The following RFX4 variants were observed in gnomAD, a reference collection of about 807,000 sequenced individuals.
RFX4 encodes transcription factor RFX4.
Under a neutral mutation model 95.0 loss-of-function variants are expected in RFX4, and 10 were observed. The ratio of observed to expected loss-of-function variants is 0.11; its 90% CI spans 0.06 to 0.18. The LOEUF (loss-of-function observed/expected upper bound fraction) is 0.18. Among genes scored for constraint, RFX4 ranks in the 10% least tolerant of loss-of-function variants. RFX4 has a pLI of 1.00. For synonymous variants in RFX4, 321 were observed against 340.7 expected, an observed-to-expected ratio of 0.94 and a Z score of 0.64; for missense variants, 640 against 922.0, an observed-to-expected ratio of 0.69 and a Z score of 3.96.
intron 4 of RFX4, among the ~76,000 whole-genome samples, chr12:106,667,774 T>C (rs2041205660): frequency 6.6e-6 from 1 of 152,196 alleles, no homozygotes. Context: ...TTTCAGTTTG[T>C]TTTGCTTTTT....
intron 17 of RFX4, among the ~76,000 whole-genome samples, chr12:106,753,566 G>C (rs2043051635): frequency 6.6e-6 from 1 of 152,144 alleles, no homozygotes; most frequent in African/African-American, 2.4e-5. Context: ...ATCAGAAAGA[G>C]GAGCTACCTT....
chr12:106,691,070 T>C (rs1383764732), intron 7 of RFX4, among the ~76,000 whole-genome samples: 1 of 152,006 alleles, frequency 6.6e-6, no homozygotes, highest in African/African-American at 2.4e-5. Context: ...TGGTGAGAGG[T>C]CCAGAAACAT....
chr12:106,702,291 T>C (rs1011679788), intron 8 of RFX4, among the ~76,000 whole-genome samples: 3 of 152,172 alleles, frequency 2.0e-5, no homozygotes, highest in Admixed American at 6.5e-5. Context: ...GGGTAAATAA[T>C]ACTTATGCCT....
intron 2 of RFX4, among the ~76,000 whole-genome samples, chr12:106,616,040 A>T (rs1242525495): frequency 6.6e-6 from 1 of 152,074 alleles, no homozygotes; most frequent in Non-Finnish European, 1.5e-5. Flanking sequence ...CTTTTTCCCA[A>T]CCTAAGTGGT....
chr12:106,591,145 C>CT lies in RFX4; in HGVS notation c.43+7789dup, dbSNP rs1447806948. On this transcript the variant is annotated intron_variant, in intron 1 of 17. Transcript: ENST00000392842. The stretch of plus-strand genomic sequence containing the variant: ...ACAATCTCTTCTTCTTTCTTTCTTT[C>CT]TTTTTTTCATTAGGGAGAGGGTGGC... Among the ~76,000 whole-genome samples, 3 of 150,868 alleles carry CT rather than the reference C, an allele frequency of 2.0e-5. No individual in the cohort carries two copies. The East Asian group carries it at 5.9e-4, about 29-fold the overall frequency.
intron 1 of RFX4, among the ~76,000 whole-genome samples, chr12:106,607,079 T>C (rs2039851816): frequency 6.6e-6 from 1 of 152,096 alleles, no homozygotes; most frequent in Non-Finnish European, 1.5e-5. Flanking sequence ...TTCAAATAGG[T>C]GTTCAATAAA....
intron 2 of RFX4, among the ~76,000 whole-genome samples, chr12:106,623,821 A>G (rs967003781): frequency 6.6e-6 from 1 of 152,250 alleles, no homozygotes. Context: ...TTTGGATTGT[A>G]AGAGACAGAA....
rs778269709 is a variant in RFX4 at position 106,696,320 on chromosome 12, C to T, written c.707C>T (p.Pro236Leu). 1.9e-6 allele frequency: 3 copies of T among 1,614,146 alleles called. No homozygotes were observed. Among genetic ancestry groups the T allele is most frequent in the African/African-American group, 1.3e-5 (1 of 75,024 alleles). Residue 236 changes from proline to leucine, a missense_variant, in exon 8 of 18, where the codon CCG (proline) becomes CTG (leucine). Transcript: ENST00000392842. ...SFLLHFWQGMPPHMLPVLGSS... is the reference protein window; with the variant it reads ...SFLLHFWQGMLPHMLPVLGSS... ...CTTCTGCACTTTTGGCAAGGAATGC[C>T]GCCCCACATGCTGCCTGTGCTGGGC... is the stretch of plus-strand genomic sequence containing the variant.
chr12:106,591,122 A>T (rs7487479), intron 1 of RFX4, among the ~76,000 whole-genome samples: 152,202 of 152,202 alleles, frequency 1, 76,101 homozygotes, highest in Non-Finnish European at 1. Context: ...CTGTATGGAC[A>T]ATCTCTTCTT....
intron 4 of RFX4, among the ~76,000 whole-genome samples, chr12:106,655,668 G>A (rs567103312): frequency 6.6e-6 from 1 of 152,286 alleles, no homozygotes; most frequent in Non-Finnish European, 1.5e-5. Context: ...ATACAGGTTG[G>A]GGACAGGTTG....
intron 15 of RFX4, 21 bp from the exon 16 acceptor site, chr12:106,747,416 C>T (rs551460688): frequency 1.5e-5 from 24 of 1,608,900 alleles, no homozygotes; most frequent in East Asian, 4.5e-5. Context: ...ATGATCAAGA[C>T]GTCTTAATTT....
chr12:106,608,805 A>C lies in RFX4; in HGVS notation c.52A>C (p.Ile18Leu). 1 of 1,581,530 alleles carries C rather than the reference A, an allele frequency of 6.3e-7. No individual in the cohort carries two copies. The highest frequency in any genetic ancestry group is 8.6e-7 in the Non-Finnish European group (1 of 1,168,564). The change falls in exon 2 of 18, where the codon ATT (isoleucine) becomes CTT (leucine). Residue 18 changes from isoleucine to leucine, a missense_variant. Physicochemically the swap from Ile to Leu is conservative, Grantham distance 5. Coordinates refer to ENST00000392842, the MANE Select transcript of RFX4 (RefSeq NM_213594.3). The stretch of plus-strand genomic sequence containing the variant: ...CTTTTTTTTTTTTTTAGAGAGCTGG[A>C]TTGAAAGATGTCTCAACGAAAGTGA... ...EPDMDSTESW[I>L]ERCLNESENK... is the part of the protein sequence containing the mutation.
intron 4 of RFX4, among the ~76,000 whole-genome samples, chr12:106,659,937 A>T (rs1393446420): frequency 2.0e-5 from 3 of 152,158 alleles, no homozygotes; most frequent in Non-Finnish European, 4.4e-5. Context: ...GTGATCTCCT[A>T]GGTGATGGAA....
chr12:106,713,549 G>A (rs1203440193), intron 10 of RFX4, among the ~76,000 whole-genome samples: 1 of 152,186 alleles, frequency 6.6e-6, no homozygotes, highest in African/African-American at 2.4e-5. Flanking sequence ...GGGGCAAGGA[G>A]GGAGAAGAAT....
rs397734823 is a variant in RFX4 at position 106,727,626 on chromosome 12, GT to G, written c.1352-4493del. On this transcript the variant is annotated intron_variant, in intron 13 of 17. Transcript: ENST00000392842. The stretch of plus-strand genomic sequence containing the variant: ...TCAGTCAAGTTACTGAATTTAGTTT[GT>G]TTTTTTTTTTGAGACAGAGTCTTGC... 7.1e-3 allele frequency among the ~76,000 whole-genome samples: 1,053 copies of G among 147,658 alleles called. 11 individuals carry two copies. Among genetic ancestry groups the G allele is most frequent in the African/African-American group, 0.025 (996 of 40,568 alleles).
chr12:106,697,198 T>C (rs1212175000), intron 8 of RFX4, among the ~76,000 whole-genome samples: 1 of 152,126 alleles, frequency 6.6e-6, no homozygotes, highest in African/African-American at 2.4e-5. Context: ...GTCTCCCTCA[T>C]AGTTCCTCTA....
At chr12:106,657,090 A>G (rs1434833064) in intron 4 of RFX4, among the ~76,000 whole-genome samples, 2 of 152,176 alleles carry the variant, frequency 1.3e-5, no homozygotes, top group Admixed American at 6.5e-5. Context: ...GAAATCCCAG[A>G]CACATTTGCC....
intron 2 of RFX4, among the ~76,000 whole-genome samples, chr12:106,624,904 A>G (rs568262501): frequency 6.6e-5 from 10 of 152,306 alleles, no homozygotes; most frequent in South Asian, 4.1e-4. Flanking sequence ...GACCGGGCCA[A>G]TTGAAAAAAT....
At chr12:106,739,932 T>C (rs2042778128) in intron 15 of RFX4, among the ~76,000 whole-genome samples, 1 of 152,324 alleles carries the variant, frequency 6.6e-6, no homozygotes, top group South Asian at 2.1e-4. Context: ...CTATTTAACA[T>C]GACATTGGGC....
Sources: allele counts gnomAD v4.1 joint callset (sites outside exome capture counted in the v4.1 genomes callset), GRCh38; gene constraint gnomAD v4.1.1; transcripts MANE v1.5; gene names NCBI Gene and HGNC (gene_info 2026-07-23, HGNC 2026-07-21).